PPP1CC: variants seen among roughly 807,000 people sequenced by gnomAD.
PPP1CC encodes the protein serine/threonine-protein phosphatase PP1-gamma catalytic subunit.
In PPP1CC, 16 loss-of-function variants were observed where a neutral mutation model predicts 38.4. The ratio of observed to expected loss-of-function variants is 0.42; its 90% CI spans 0.28 to 0.63. The LOEUF (loss-of-function observed/expected upper bound fraction) is 0.63, where lower values mean the gene tolerates loss of function less well. Ranked by LOEUF, PPP1CC falls within the 30% of genes least tolerant of loss-of-function variation. The pLI is 0.25. For synonymous variants in PPP1CC, 158 were observed against 136.0 expected (o/e 1.16, Z -1.13); for missense variants, 170 against 391.3 (o/e 0.43, Z 4.77).
intron 1 of PPP1CC, among the ~76,000 whole-genome samples, chr12:110,736,393 C>T (rs2069944868): frequency 6.6e-6 from 1 of 152,146 alleles, no homozygotes; most frequent in Non-Finnish European, 1.5e-5. Context: ...CCTATAATCC[C>T]AGCACTTTGG....
the PPP1CC span, among the ~76,000 whole-genome samples, chr12:110,711,037 A>G: frequency 6.6e-6 from 1 of 150,730 alleles, no homozygotes; most frequent in Non-Finnish European, 1.5e-5. Flanking sequence ...TTAGCCAGGC[A>G]TGGTGGCATG....
At chr12:110,739,365 T>G (rs1219230092) in intron 1 of PPP1CC, among the ~76,000 whole-genome samples, 16 of 144,178 alleles carry the variant, frequency 1.1e-4, no homozygotes, top group Non-Finnish European at 2.5e-4. Context: ...ATTACTTTTG[T>G]TTTTTTTTTT....
At chr12:110,732,030 T>A in intron 1 of PPP1CC, 129 bp from the exon 2 acceptor site, 1 of 961,562 alleles carries the variant, frequency 1.0e-6, no homozygotes, top group Non-Finnish European at 1.5e-6. Context: ...ACACTTATAA[T>A]AAACATGGTT....
the PPP1CC span, among the ~76,000 whole-genome samples, chr12:110,712,632 T>A: frequency 1.8e-5 from 1 of 57,072 alleles, no homozygotes; most frequent in African/African-American, 7.9e-5. Context: ...AGAGAAACTG[T>A]CTCAAAAAAA....
At position 110,720,126 on chromosome 12, in the gene PPP1CC, A is replaced by G. The variant is rs773404497; in HGVS notation, c.*950T>C. On this transcript the variant is annotated 3_prime_UTR_variant, in exon 7 of 7. Coordinates refer to ENST00000335007, the MANE Select transcript of PPP1CC (RefSeq NM_002710.4). ...ATAAAGAATGTAGGCCAAAGAAAGC[A>G]TAATCGGTCACTCGTATAGAACAGT... The G allele has an allele frequency of 4.5e-6, 7 of 1,546,268 alleles. No homozygotes were observed. The highest frequency in any genetic ancestry group is 1.4e-5 in the African/African-American group (1 of 73,738).
the PPP1CC span, among the ~76,000 whole-genome samples, chr12:110,713,239 TCTC>T: frequency 6.6e-6 from 1 of 151,748 alleles, no homozygotes; most frequent in East Asian, 1.9e-4. Flanking sequence ...TTCAAGCAAT[TCTC>T]CTGCCTCAGC....
At chr12:110,710,502 A>G in the PPP1CC span, among the ~76,000 whole-genome samples, 6 of 150,524 alleles carry the variant, frequency 4.0e-5, no homozygotes, top group South Asian at 6.3e-4. Context: ...GTGGATCACA[A>G]GGTCAGAAGA....
At chr12:110,739,417 G>A (rs1341397331) in intron 1 of PPP1CC, among the ~76,000 whole-genome samples, 1 of 148,544 alleles carries the variant, frequency 6.7e-6, no homozygotes, top group African/African-American at 2.5e-5. Context: ...AAACCATTAT[G>A]TTTGTCCTTT....
intron 4 of PPP1CC, among the ~76,000 whole-genome samples, chr12:110,724,442 C>T (rs2136542684): frequency 1.3e-5 from 2 of 152,172 alleles, no homozygotes; most frequent in South Asian, 4.2e-4. Flanking sequence ...ATTTTCAAAC[C>T]TAGCTTACAG....
the PPP1CC span, among the ~76,000 whole-genome samples, chr12:110,711,346 C>A: frequency 4.7e-5 from 7 of 150,294 alleles, no homozygotes; most frequent in African/African-American, 1.8e-4. Flanking sequence ...GCCAGGAGTT[C>A]CAGACCAGCC....
At chr12:110,711,366 T>A in the PPP1CC span, among the ~76,000 whole-genome samples, 1 of 150,400 alleles carries the variant, frequency 6.6e-6, no homozygotes, top group African/African-American at 2.5e-5. Context: ...CTAAGCAATA[T>A]AGCATGACCC....
chr12:110,713,690 T>C, the PPP1CC span, among the ~76,000 whole-genome samples: 2 of 152,208 alleles, frequency 1.3e-5, no homozygotes, highest in African/African-American at 4.8e-5. Context: ...TCTGATTTTA[T>C]TCATTTTACA....
Position 110,742,804 on chromosome 12 carries a change from G to A in PPP1CC, c.-97C>T. On this transcript the variant is annotated 5_prime_UTR_variant, in exon 1 of 7. Transcript: ENST00000335007. Reference sequence around the variant, plus strand: ...CCACGCCACGAGCAGAGGCGGTGGTGGCGGCGGTGGCAGCAGCCGCGGCGG... The same window carrying A: ...CCACGCCACGAGCAGAGGCGGTGGTAGCGGCGGTGGCAGCAGCCGCGGCGG... 3 of 1,051,316 alleles carry A rather than the reference G, an allele frequency of 2.9e-6. No individual in the cohort carries two copies. The highest frequency in any genetic ancestry group is 3.7e-6 in the Non-Finnish European group (3 of 802,052). The allele number at this position is 1,051,316 out of a possible 1,614,324, so 65.1% of individuals were successfully genotyped here.
In PPP1CC at chr12:110,738,745, A is replaced by T. The variant is rs150525890; in HGVS notation, c.55+3908T>A. On this transcript the variant is annotated intron_variant, in intron 1 of 6. Coordinates refer to ENST00000335007, the MANE Select transcript of PPP1CC (RefSeq NM_002710.4). ...ACAACGTCACACACAATTCTGTCAGATTTCACTGCTGCCTCCTGCTACTGA... is the reference window on the plus strand; with the variant it reads ...ACAACGTCACACACAATTCTGTCAGTTTTCACTGCTGCCTCCTGCTACTGA... 5.7e-3 allele frequency among the ~76,000 whole-genome samples: 863 copies of T among 152,304 alleles called. 4 individuals are homozygous for T. Among genetic ancestry groups the T allele is most frequent in the Middle Eastern group, 0.01 (3 of 294 alleles).
downstream of PPP1CC, among the ~76,000 whole-genome samples, chr12:110,717,463 G>A (rs922881282): frequency 7.2e-5 from 11 of 152,004 alleles, no homozygotes; most frequent in Non-Finnish European, 1.3e-4. Context: ...GCGTGATCTC[G>A]GCTCACTGCA....
intron 1 of PPP1CC, 28 bp from the exon 2 acceptor site, chr12:110,731,929 A>G: frequency 1.9e-6 from 3 of 1,606,026 alleles, no homozygotes; most frequent in Non-Finnish European, 2.6e-6. Context: ...CAATTAGTCC[A>G]ATGAAGCCAA....
At chr12:110,709,152 TACAA>T in the PPP1CC span, among the ~76,000 whole-genome samples, 1 of 151,674 alleles carries the variant, frequency 6.6e-6, no homozygotes, top group Non-Finnish European at 1.5e-5. Context: ...AAATGATAGA[TACAA>T]ACCCACAAAC....
intron 1 of PPP1CC, among the ~76,000 whole-genome samples, chr12:110,733,261 C>G (rs2069901910): frequency 6.6e-6 from 1 of 152,132 alleles, no homozygotes; most frequent in South Asian, 2.1e-4. Flanking sequence ...CAGCAGGAAG[C>G]TTTATTTTTG....
intron 1 of PPP1CC, among the ~76,000 whole-genome samples, chr12:110,739,559 C>T (rs1294655980): frequency 6.6e-6 from 1 of 152,136 alleles, no homozygotes; most frequent in Non-Finnish European, 1.5e-5. Flanking sequence ...ACCTTCAGAA[C>T]AACCCTTATG....
Sources: allele counts gnomAD v4.1 joint callset (sites outside exome capture counted in the v4.1 genomes callset), GRCh38; gene constraint gnomAD v4.1.1; transcripts MANE v1.5; gene names NCBI Gene and HGNC (gene_info 2026-07-23, HGNC 2026-07-21).